Variants in POLR3A observed in about 807,000 individuals in gnomAD.
POLR3A encodes DNA-directed RNA polymerase III subunit RPC1.
A neutral mutation model predicts 152.8 loss-of-function variants in POLR3A; 112 were observed. The ratio of observed to expected loss-of-function variants is 0.73; its 90% CI spans 0.63 to 0.86. The LOEUF (loss-of-function observed/expected upper bound fraction) is 0.86, where lower values mean the gene tolerates loss of function less well. Ranked by LOEUF, POLR3A falls within the 40% of genes least tolerant of loss-of-function variation. The pLI, the probability that POLR3A is intolerant of heterozygous loss-of-function variation, is 0.00. For missense variants in POLR3A, 1,385 were observed against 1,743.1 expected (o/e 0.79, Z 3.66); for synonymous variants, 615 against 652.1 (o/e 0.94, Z 0.87).
rs756359279 is a variant in POLR3A, at chr10:77,984,284, G to T, written c.3257C>A (p.Thr1086Lys). 1.2e-6 allele frequency: 2 copies of T among 1,610,776 alleles called. No individual in the cohort carries two copies. The highest frequency in any genetic ancestry group is 1.7e-6 in the Non-Finnish European group (2 of 1,177,204). Residue 1086 changes from threonine (T) to lysine (K), a missense_variant, in exon 25 of 31, where the codon ACA becomes AAA. Transcript: ENST00000372371. ...GTCGTCATCCTTGTCTAGCTGTGCT[G>T]TGATAATTGGAGTGCTGTTGAGAAG... The part of the protein sequence containing the change: ...ASKAISTPII[T>K]AQLDKDDDAD...
At chr10:78,021,438 T>C (rs974767431) in intron 8 of POLR3A, 108 bp downstream of exon 8, 5 of 1,044,180 alleles carry the variant, frequency 4.8e-6, no homozygotes, top group East Asian at 2.5e-5. Context: ...AAACTGTGGG[T>C]TGAGTGGGTT....
intron 3 of POLR3A, 134 bp from the exon 4 acceptor site, chr10:78,025,276 T>A: frequency 1.1e-6 from 1 of 915,344 alleles, no homozygotes; most frequent in Non-Finnish European, 1.7e-6. Flanking sequence ...GGCTCTATAC[T>A]ATGGATATGC....
chr10:78,016,834 A>G (rs551819189), intron 10 of POLR3A, among the ~76,000 whole-genome samples: 3 of 149,778 alleles, frequency 2.0e-5, no homozygotes, highest in South Asian at 2.1e-4. Context: ...AGACTGTGCC[A>G]CTGCACTCCA....
At chr10:77,991,534 T>G (rs993804130) in intron 20 of POLR3A, among the ~76,000 whole-genome samples, 9 of 152,316 alleles carry the variant, frequency 5.9e-5, no homozygotes, top group Middle Eastern at 3.4e-3. Context: ...AAATTTCTCT[T>G]TTTTTTGAGA....
chr10:77,980,040 G>A (rs748831207), intron 30 of POLR3A, 101 bp downstream of exon 30: 321 of 1,045,254 alleles, frequency 3.1e-4, no homozygotes, highest in Non-Finnish European at 4.3e-4. Context: ...AAAAATAAAC[G>A]CTCTGCCACT....
rs771204355 is a variant in POLR3A, at chr10:78,025,645, T to C, written c.295A>G (p.Arg99Gly). Residue 99 changes from arginine to glycine, a missense_variant, in exon 3 of 31, where the codon AGA (arginine) becomes GGA (glycine). Physicochemically the swap from Arg to Gly is moderately radical, Grantham distance 125 (BLOSUM62 -2). Around this residue, in one of 7 missense-constraint regions of POLR3A, gnomAD observed 493 missense variants for 647.5 expected, o/e 0.76. Coordinates refer to ENST00000372371, the MANE Select transcript of POLR3A (RefSeq NM_007055.4). ...ACCTGTAAGATGCCTATGACTGCTCTGAAGTACCCTACATGAAAACACGGC... is the reference window on the plus strand; with the variant it reads ...ACCTGTAAGATGCCTATGACTGCTCCGAAGTACCCTACATGAAAACACGGC... ...ELPCFHVGYF[R>G]AVIGILQMIC... 1.9e-6 allele frequency: 3 copies of C among 1,614,068 alleles called. No individual in the cohort carries two copies. Among genetic ancestry groups the C allele is most frequent in the African/African-American group, 1.3e-5 (1 of 74,928 alleles).
At position 77,982,784 on chromosome 10, in the gene POLR3A, TGCAGATG is replaced by T; in HGVS notation, c.3456_3462del (p.Ile1153HisfsTer6). ...CCGGGCTTCACACGGAGCTTGGATG[TGCAGATG>T]GAATATCTCACTGTCTCAGCGTTCA... On this transcript the variant is annotated frameshift_variant, in exon 27 of 31. Coordinates refer to ENST00000372371, the MANE Select transcript of POLR3A (RefSeq NM_007055.4). LOFTEE classifies it high-confidence loss of function. 1 of 1,614,078 alleles carries T rather than the reference TGCAGATG, an allele frequency of 6.2e-7. No homozygotes were observed.
chr10:78,006,395 C>CAAAAAAAAAAAAAA (rs36050560), intron 15 of POLR3A, among the ~76,000 whole-genome samples: 1 of 21,936 alleles, frequency 4.6e-5, no homozygotes. Context: ...GACTCTGTCT[C>CAAAAAAAAAAAAAA]AAAAAAAAAA....
chr10:78,005,594 A>G (rs931789813), intron 15 of POLR3A, among the ~76,000 whole-genome samples: 3 of 152,274 alleles, frequency 2.0e-5, no homozygotes, highest in Admixed American at 2.0e-4. Context: ...AAGTATCTGT[A>G]GATGAGAGGA....
intron 16 of POLR3A, 93 bp downstream of exon 16, chr10:78,004,623 A>G: frequency 6.0e-6 from 6 of 1,001,550 alleles, no homozygotes; most frequent in Admixed American, 3.9e-5. Context: ...CTCCTTTGCT[A>G]CCTCTATTCA....
At chr10:78,000,424 C>A (rs1187643128) in intron 18 of POLR3A, among the ~76,000 whole-genome samples, 1 of 152,222 alleles carries the variant, frequency 6.6e-6, no homozygotes, top group African/African-American at 2.4e-5. Context: ...CCTCAGAGGA[C>A]ACCCTGTGGA....
intron 16 of POLR3A, among the ~76,000 whole-genome samples, chr10:78,004,482 T>C (rs1403804681): frequency 6.6e-6 from 1 of 152,084 alleles, no homozygotes; most frequent in Admixed American, 6.6e-5. Flanking sequence ...GAGGATCTGA[T>C]GAAAGGCCCT....
chr10:77,984,180 G>A (rs768999489), intron 25 of POLR3A, 25 bp downstream of exon 25: 1 of 1,480,486 alleles, frequency 6.8e-7, no homozygotes. Context: ...TAGTTTTCTT[G>A]TTATCAATAG....
intron 8 of POLR3A, chr10:78,019,806 G>C (rs1847559972): frequency 6.3e-6 from 1 of 158,512 alleles, no homozygotes; most frequent in Non-Finnish European, 1.4e-5. Context: ...CTAACTGTGA[G>C]TCTCATAGGT....
intron 11 of POLR3A, among the ~76,000 whole-genome samples, chr10:78,012,177 G>GA (rs1564620739): frequency 6.6e-6 from 1 of 152,080 alleles, no homozygotes; most frequent in Non-Finnish European, 1.5e-5. Context: ...CCAGCCTGAC[G>GA]AATGTGGTGA....
chr10:77,983,284 G>C (rs12266120), intron 26 of POLR3A, among the ~76,000 whole-genome samples: 4,885 of 152,310 alleles, frequency 0.032, 291 homozygotes, highest in African/African-American at 0.11. Context: ...CTGGAGAGCA[G>C]GTTGCTGCAT....
At position 77,980,250 on chromosome 10, in the gene POLR3A, C is replaced by T. The variant is rs1847127307; in HGVS notation, c.3915G>A (p.Arg1305=). 1 of 1,613,946 alleles carries T rather than the reference C, an allele frequency of 6.2e-7. No individual in the cohort carries two copies. Among genetic ancestry groups the T allele is most frequent in the African/African-American group, 1.3e-5 (1 of 74,898 alleles). Reference sequence around the variant, plus strand: ...TCTCCTTCATCTTGGCCAGGCCAAACCTAGTGATGCCCAGGACTTCACCCT... The same window carrying T: ...TCTCCTTCATCTTGGCCAGGCCAAATCTAGTGATGCCCAGGACTTCACCCT... The part of the protein sequence containing the change: ...TYKGEVLGIT[R]FGLAKMKESV... The change falls in exon 30 of 31, where the codon AGG becomes AGA. Residue 1305 remains arginine, a synonymous_variant. Transcript: ENST00000372371.
At chr10:78,010,108 A>T in intron 12 of POLR3A, 117 bp from the exon 13 acceptor site, 2 of 1,339,332 alleles carry the variant, frequency 1.5e-6, no homozygotes, top group Non-Finnish European at 2.1e-6. Context: ...TGAAACAAAC[A>T]GCTGCTTACT....
Position 77,991,182 on chromosome 10 carries a change from G to A in POLR3A, c.2788-15C>T, listed in dbSNP as rs1847244760. 1 of 1,489,332 alleles carries A rather than the reference G, an allele frequency of 6.7e-7. No individual in the cohort carries two copies. Among genetic ancestry groups the A allele is most frequent in the African/African-American group, 1.4e-5 (1 of 72,616 alleles). The allele number at this position is 1,489,332 out of a possible 1,614,324, so 92.3% of individuals were successfully genotyped here. On this transcript the variant is annotated splice_polypyrimidine_tract_variant and intron_variant, in intron 20 of 30. Coordinates refer to ENST00000372371, the MANE Select transcript of POLR3A (RefSeq NM_007055.4). ...GGGAAGACTGCCTTGAGTATTAAAAGAAAATTGCATTATGTGTGGGTGCCA... is the reference window on the plus strand; with the variant it reads ...GGGAAGACTGCCTTGAGTATTAAAAAAAAATTGCATTATGTGTGGGTGCCA...
Sources: allele counts gnomAD v4.1 joint callset (sites outside exome capture counted in the v4.1 genomes callset), GRCh38; gene constraint gnomAD v4.1.1; regional missense constraint gnomAD v4.1.1; transcripts MANE v1.5; gene names NCBI Gene and HGNC (gene_info 2026-07-23, HGNC 2026-07-21).